Variants in CSMD1 observed in about 807,000 individuals in gnomAD.
CSMD1 encodes the protein CUB and Sushi multiple domains 1.
A neutral mutation model predicts 417.5 loss-of-function variants in CSMD1; 213 were observed. The ratio of observed to expected loss-of-function variants is 0.51; its 90% CI spans 0.46 to 0.57. The LOEUF (loss-of-function observed/expected upper bound fraction) is 0.57, where lower values mean the gene tolerates loss of function less well. Among genes scored for constraint, CSMD1 ranks in the 20% least tolerant of loss-of-function variants. CSMD1 has a pLI of 0.00. For missense variants in CSMD1, 6,923 were observed against 4,529.7 expected, an observed-to-expected ratio of 1.53 and a Z score of -15.17; for synonymous variants, 2,862 against 1,736.8, an observed-to-expected ratio of 1.65 and a Z score of -16.11.
intron 2 of CSMD1, among the ~76,000 whole-genome samples, chr8:4,566,009 C>G (rs556847486): frequency 5.9e-5 from 9 of 151,764 alleles, no homozygotes. Context: ...TTTATTAATT[C>G]TATTTTACAT....
At chr8:3,503,080 A>G (rs561102168) in intron 10 of CSMD1, among the ~76,000 whole-genome samples, 1 of 152,322 alleles carries the variant, frequency 6.6e-6, no homozygotes, top group Admixed American at 6.5e-5. Flanking sequence ...AACAAAAATT[A>G]CACATATAAG....
intron 3 of CSMD1, among the ~76,000 whole-genome samples, chr8:4,232,778 G>A (rs545961886): frequency 1.1e-4 from 17 of 152,278 alleles, no homozygotes; most frequent in East Asian, 1.9e-4. Flanking sequence ...CCTAATTGAC[G>A]TTTGGAAATG....
chr8:4,330,607 T>C (rs1799814385), intron 3 of CSMD1, among the ~76,000 whole-genome samples: 1 of 151,642 alleles, frequency 6.6e-6, no homozygotes, highest in Non-Finnish European at 1.5e-5. Flanking sequence ...AAAAAAGTAT[T>C]TTGTAATAGC....
chr8:3,963,708 C>A (rs1473381400), intron 5 of CSMD1, among the ~76,000 whole-genome samples: 2 of 152,226 alleles, frequency 1.3e-5, no homozygotes, highest in South Asian at 4.2e-4. Context: ...TCATCGTAGA[C>A]AAACTGCAAT....
chr8:3,863,919 G>A (rs955465116), intron 5 of CSMD1, among the ~76,000 whole-genome samples: 1 of 152,098 alleles, frequency 6.6e-6, no homozygotes, highest in Non-Finnish European at 1.5e-5. Context: ...TCCTTTAGAA[G>A]CTTATGGAAA....
intron 2 of CSMD1, among the ~76,000 whole-genome samples, chr8:4,441,988 A>C (rs1218305992): frequency 6.6e-6 from 1 of 152,148 alleles, no homozygotes; most frequent in African/African-American, 2.4e-5. Context: ...CAAATAATAA[A>C]AGGTAGACTT....
chr8:3,035,420 C>T (rs868672423), intron 50 of CSMD1, among the ~76,000 whole-genome samples: 1 of 152,042 alleles, frequency 6.6e-6, no homozygotes, highest in African/African-American at 2.4e-5. Context: ...CCAGGCTCAC[C>T]CCAACCAAGC....
At chr8:4,328,007 G>C (rs1008833827) in intron 3 of CSMD1, among the ~76,000 whole-genome samples, 1 of 152,072 alleles carries the variant, frequency 6.6e-6, no homozygotes, top group Non-Finnish European at 1.5e-5. Flanking sequence ...TTATTCATTT[G>C]GGAAATGATA....
At chr8:4,013,792 A>C (rs1360206912) in intron 4 of CSMD1, among the ~76,000 whole-genome samples, 1 of 152,184 alleles carries the variant, frequency 6.6e-6, no homozygotes, top group Non-Finnish European at 1.5e-5. Context: ...GCTTTACTGA[A>C]ACACAGCCAG....
chr8:3,093,398 G>A (rs1164670691), intron 47 of CSMD1, among the ~76,000 whole-genome samples: 1 of 152,200 alleles, frequency 6.6e-6, no homozygotes, highest in Non-Finnish European at 1.5e-5. Context: ...TAGGCATGGT[G>A]GCTCACACCT....
At position 4,717,980 on chromosome 8, in the gene CSMD1, T is replaced by C. The variant is rs139092385; in HGVS notation, c.86-80422A>G. Among the ~76,000 whole-genome samples, 19 of 152,294 alleles carry C rather than the reference T, an allele frequency of 1.2e-4. No individual in the cohort carries two copies. In the East Asian group the frequency reaches 3.5e-3, roughly 28 times the overall value. Reference sequence around the variant, plus strand: ...TATAAAATCTATCAAACTTATTTTATTTTATTATTTGTTTTGAGACTGGGT... The same window carrying C: ...TATAAAATCTATCAAACTTATTTTACTTTATTATTTGTTTTGAGACTGGGT... On this transcript the variant is annotated intron_variant, in intron 1 of 69. Coordinates refer to ENST00000635120, the MANE Select transcript of CSMD1 (RefSeq NM_033225.6).
intron 5 of CSMD1, among the ~76,000 whole-genome samples, chr8:3,899,444 G>C (rs1470077646): frequency 2.0e-5 from 3 of 152,190 alleles, no homozygotes; most frequent in East Asian, 1.9e-4. Context: ...TGTACGTGGG[G>C]AGATGGGGTG....
At chr8:4,320,666 T>A (rs1484625040) in intron 3 of CSMD1, among the ~76,000 whole-genome samples, 1 of 152,186 alleles carries the variant, frequency 6.6e-6, no homozygotes, top group Non-Finnish European at 1.5e-5. Context: ...GCTTCATCGA[T>A]GTCCTGCAAA....
At chr8:4,455,535 T>A (rs1486006598) in intron 2 of CSMD1, among the ~76,000 whole-genome samples, 1 of 152,140 alleles carries the variant, frequency 6.6e-6, no homozygotes, top group Non-Finnish European at 1.5e-5. Context: ...AAACACATCA[T>A]GGGCCTCACT....
chr8:4,718,174 C>A (rs944152549), intron 1 of CSMD1, among the ~76,000 whole-genome samples: 1 of 152,014 alleles, frequency 6.6e-6, no homozygotes. Flanking sequence ...ACAGGGTCTA[C>A]CTATGTAGCC....
At chr8:4,475,102 T>C (rs1242766684) in intron 2 of CSMD1, among the ~76,000 whole-genome samples, 1 of 152,148 alleles carries the variant, frequency 6.6e-6, no homozygotes, top group Non-Finnish European at 1.5e-5. Flanking sequence ...ATTTGAAAAA[T>C]GGATATGTGT....
intron 3 of CSMD1, among the ~76,000 whole-genome samples, chr8:4,383,482 G>A (rs1434616630): frequency 6.6e-6 from 1 of 152,106 alleles, no homozygotes; most frequent in Non-Finnish European, 1.5e-5. Flanking sequence ...ACAGTGATCT[G>A]TCGTCTGTAA....
chr8:4,564,947 A>G (rs146163341), intron 2 of CSMD1, among the ~76,000 whole-genome samples: 29 of 152,266 alleles, frequency 1.9e-4, no homozygotes, highest in Non-Finnish European at 3.5e-4. Context: ...AGTGTTATGA[A>G]TTTTTGTGCT....
At chr8:3,017,738 C>G (rs1439986420) in intron 52 of CSMD1, among the ~76,000 whole-genome samples, 1 of 146,740 alleles carries the variant, frequency 6.8e-6, no homozygotes, top group Non-Finnish European at 1.5e-5. Flanking sequence ...GGCTTAGTTC[C>G]TGAAGTGATC....
Sources: gnomAD v4.1 joint callset for allele counts (sites outside exome capture counted in the v4.1 genomes callset) on GRCh38, gnomAD v4.1.1 for gene constraint, MANE v1.5 for transcripts, NCBI Gene and HGNC (gene_info 2026-07-23, HGNC 2026-07-21) for gene names.